SHC4: variants seen among roughly 807,000 people sequenced by gnomAD.
SHC4 encodes the protein SHC-transforming protein 4.
In SHC4, 41 loss-of-function variants were observed where a neutral mutation model predicts 69.4. The observed-to-expected ratio is 0.59, with a 90% CI of 0.46 to 0.77. The LOEUF is 0.77. Ranked by LOEUF, SHC4 falls within the 30% of genes least tolerant of loss-of-function variation. The probability of loss-of-function intolerance (pLI) is 0.00; values close to 1 mark genes in which losing one functional copy is unlikely to be tolerated. For missense variants in SHC4, 777 were observed against 783.8 expected (o/e 0.99, Z 0.10); for synonymous variants, 318 against 299.3 (o/e 1.06, Z -0.64).
At chr15:48,852,495 CATAAT>C (rs2140980322) in intron 8 of SHC4, among the ~76,000 whole-genome samples, 1 of 152,062 alleles carries the variant, frequency 6.6e-6, no homozygotes, top group African/African-American at 2.4e-5. Flanking sequence ...TAAAAATACT[CATAAT>C]AAAATGTTGG....
At chr15:48,869,634 G>A (rs763112901) in intron 5 of SHC4, among the ~76,000 whole-genome samples, 1 of 152,114 alleles carries the variant, frequency 6.6e-6, no homozygotes, top group Non-Finnish European at 1.5e-5. Context: ...TGGAGTTTAG[G>A]GAGTTTAAAT....
chr15:48,941,617 A>G (rs934904207), intron 1 of SHC4, among the ~76,000 whole-genome samples: 5 of 152,154 alleles, frequency 3.3e-5, no homozygotes, highest in African/African-American at 1.2e-4. Flanking sequence ...CTACCCATGA[A>G]ATGTGAAAGA....
At chr15:48,940,702 G>C (rs142717998) in intron 1 of SHC4, among the ~76,000 whole-genome samples, 1 of 152,154 alleles carries the variant, frequency 6.6e-6, no homozygotes, top group Non-Finnish European at 1.5e-5. Flanking sequence ...GTCATGTCTG[G>C]AGACCATGTG....
At chr15:48,901,455 G>A (rs1053289867) in intron 2 of SHC4, among the ~76,000 whole-genome samples, 5 of 152,138 alleles carry the variant, frequency 3.3e-5, no homozygotes, top group Admixed American at 6.5e-5. Flanking sequence ...CTCCCTTTAC[G>A]CTGTAAATTA....
At chr15:48,945,517 A>G (rs1901260882) in intron 1 of SHC4, among the ~76,000 whole-genome samples, 1 of 152,242 alleles carries the variant, frequency 6.6e-6, no homozygotes, top group South Asian at 2.1e-4. Context: ...TTGCCGTACA[A>G]TGGACTATTA....
intron 1 of SHC4, among the ~76,000 whole-genome samples, chr15:48,960,569 C>T (rs531983444): frequency 1.3e-5 from 2 of 152,178 alleles, no homozygotes; most frequent in Non-Finnish European, 2.9e-5. Flanking sequence ...ACTGCCCAAG[C>T]CTGCTCTCTC....
intron 8 of SHC4, among the ~76,000 whole-genome samples, chr15:48,854,350 T>C (rs528652354): frequency 2.6e-5 from 4 of 152,278 alleles, no homozygotes; most frequent in African/African-American, 9.6e-5. Flanking sequence ...AGGGGAATGC[T>C]CATACACTGT....
intron 2 of SHC4, among the ~76,000 whole-genome samples, chr15:48,903,676 G>A (rs560935922): frequency 1.3e-5 from 2 of 152,308 alleles, no homozygotes; most frequent in East Asian, 3.9e-4. Flanking sequence ...AGCAGCATTA[G>A]CATCGCCTGG....
At chr15:48,838,351 C>T (rs956535883) in intron 10 of SHC4, among the ~76,000 whole-genome samples, 1 of 152,092 alleles carries the variant, frequency 6.6e-6, no homozygotes, top group African/African-American at 2.4e-5. Context: ...TTTGGAGTTA[C>T]AACTAAATTT....
chr15:48,939,279 G>A (rs1471769528), intron 1 of SHC4, among the ~76,000 whole-genome samples: 1 of 152,198 alleles, frequency 6.6e-6, no homozygotes, highest in African/African-American at 2.4e-5. Context: ...CTCCAGACCA[G>A]CCTCAGGGAA....
intron 3 of SHC4, among the ~76,000 whole-genome samples, chr15:48,888,357 A>G (rs537692460): frequency 8.5e-5 from 13 of 152,324 alleles, no homozygotes; most frequent in African/African-American, 2.4e-4. Context: ...GAATTAAGCC[A>G]GTCATAAAAG....
At chr15:48,901,085 A>G (rs1454475443) in intron 2 of SHC4, among the ~76,000 whole-genome samples, 1 of 152,208 alleles carries the variant, frequency 6.6e-6, no homozygotes, top group African/African-American at 2.4e-5. Context: ...TTTGAATTCC[A>G]TATGATTTTC....
At chr15:48,942,442 A>G (rs1901192581) in intron 1 of SHC4, among the ~76,000 whole-genome samples, 2 of 152,132 alleles carry the variant, frequency 1.3e-5, no homozygotes. Context: ...TGTAAATAGG[A>G]TCCTAGATTC....
chr15:48,904,403 T>A (rs1422610189), intron 2 of SHC4, among the ~76,000 whole-genome samples: 13 of 152,210 alleles, frequency 8.5e-5, no homozygotes, highest in African/African-American at 3.1e-4. Context: ...AATAAACTGC[T>A]ATTTCAACAG....
intron 2 of SHC4, among the ~76,000 whole-genome samples, chr15:48,903,958 C>A (rs1216615394): frequency 1.3e-5 from 2 of 152,166 alleles, no homozygotes; most frequent in Non-Finnish European, 2.9e-5. Context: ...GAAGCCTTTG[C>A]ATACTAAAGT....
intron 10 of SHC4, among the ~76,000 whole-genome samples, chr15:48,840,065 C>T (rs1170650861): frequency 6.6e-6 from 1 of 152,198 alleles, no homozygotes; most frequent in East Asian, 1.9e-4. Flanking sequence ...TGCTTTTCTC[C>T]TTTCCCACTA....
intron 2 of SHC4, among the ~76,000 whole-genome samples, chr15:48,894,831 GT>G (rs1436883304): frequency 6.6e-6 from 1 of 151,992 alleles, no homozygotes; most frequent in Non-Finnish European, 1.5e-5. Flanking sequence ...CTGTTGCCAG[GT>G]TGGAGTGCAG....
At chr15:48,873,448 A>G (rs1899730117) in intron 4 of SHC4, among the ~76,000 whole-genome samples, 1 of 152,258 alleles carries the variant, frequency 6.6e-6, no homozygotes, top group Non-Finnish European at 1.5e-5. Flanking sequence ...TCATTCCCAT[A>G]TATCAACAAT....
intron 1 of SHC4, among the ~76,000 whole-genome samples, chr15:48,935,845 C>T (rs1003575330): frequency 2.6e-5 from 4 of 152,166 alleles, no homozygotes; most frequent in South Asian, 2.1e-4. Context: ...TTGGCAAAAA[C>T]GGACTTTTCT....
Sources: gnomAD v4.1 joint callset for allele counts (sites outside exome capture counted in the v4.1 genomes callset) on GRCh38, gnomAD v4.1.1 for gene constraint, MANE v1.5 for transcripts, NCBI Gene and HGNC (gene_info 2026-07-23, HGNC 2026-07-21) for gene names.